The following COX17 variants were observed in gnomAD, a reference collection of about 807,000 sequenced individuals.
COX17 encodes the protein cytochrome c oxidase copper chaperone.
Under a neutral mutation model 6.3 loss-of-function variants are expected in COX17, and 1 was observed. The ratio of observed to expected loss-of-function variants is 0.16; its 90% CI spans 0.06 to 0.75. COX17 has a LOEUF of 0.75. COX17 is among the 30% of genes least tolerant of loss of function. The pLI, the probability that COX17 is intolerant of heterozygous loss-of-function variation, is 0.77. For synonymous variants in COX17, 26 were observed against 30.5 expected (o/e 0.85, Z 0.49); for missense variants, 73 against 81.2 (o/e 0.90, Z 0.39).
At chr3:119,675,300 G>T in intron 1 of COX17, 67 bp from the exon 2 acceptor site, 1 of 1,119,180 alleles carries the variant, frequency 8.9e-7, no homozygotes, top group Admixed American at 1.7e-5. Context: ...GCATGATAGT[G>T]ATGGGGAGTG....
intron 2 of COX17, among the ~76,000 whole-genome samples, chr3:119,670,259 C>G (rs1024527443): frequency 1.3e-5 from 2 of 152,114 alleles, no homozygotes; most frequent in African/African-American, 4.8e-5. Flanking sequence ...CACACCTCTC[C>G]CAGTGCCTAT....
downstream of COX17, among the ~76,000 whole-genome samples, chr3:119,667,913 G>A (rs2629409): frequency 0.36 from 55,410 of 151,874 alleles, 10,698 homozygotes; most frequent in East Asian, 0.65. Context: ...TTCCTAGAAC[G>A]GCATCTGACA....
At chr3:119,668,201 T>C (rs2053011422), downstream of COX17, among the ~76,000 whole-genome samples, 1 of 152,176 alleles carries the variant, frequency 6.6e-6, no homozygotes, top group Non-Finnish European at 1.5e-5. Flanking sequence ...TAGACTAGTA[T>C]ATATCAGAAA....
At chr3:119,665,439 A>G (rs2052985369), downstream of COX17, 1 of 152,270 alleles carries the variant, frequency 6.6e-6, no homozygotes, top group East Asian at 1.9e-4. Context: ...CAGCGGCACA[A>G]TCACGGCTCA....
Position 119,677,284 on chromosome 3 carries a change from AG to A in COX17, c.26del (p.Pro9LeufsTer12). The A allele has an allele frequency of 6.2e-7, 1 of 1,611,882 alleles. No homozygotes were observed. The highest frequency in any genetic ancestry group is 8.5e-7 in the Non-Finnish European group (1 of 1,179,900). On this transcript the variant is annotated frameshift_variant, in exon 1 of 3. Coordinates refer to ENST00000261070, the MANE Select transcript of COX17 (RefSeq NM_005694.2). LOFTEE classifies it high-confidence loss of function. MPGLVDSN[P>X]APPESQEKKP... ...TCTTCTCCTGAGACTCAGGCGGGGCAGGGTTTGAGTCAACCAGACCCGGCAT... is the reference window on the plus strand; with the variant it reads ...TCTTCTCCTGAGACTCAGGCGGGGCAGGTTTGAGTCAACCAGACCCGGCAT...
At chr3:119,670,522 T>TA (rs1371593821) in intron 2 of COX17, among the ~76,000 whole-genome samples, 4 of 152,214 alleles carry the variant, frequency 2.6e-5, no homozygotes, top group Non-Finnish European at 5.9e-5. Context: ...ATAGCATTGT[T>TA]ACGACTTTTG....
At chr3:119,664,587 C>T (rs557140893), downstream of COX17, among the ~76,000 whole-genome samples, 33 of 152,252 alleles carry the variant, frequency 2.2e-4, no homozygotes, top group South Asian at 1.2e-3. Context: ...GCGAGGCAGG[C>T]GGGGGCCATC....
chr3:119,675,029 TCAAA>T, intron 2 of COX17, 112 bp downstream of exon 2: 2 of 705,922 alleles, frequency 2.8e-6, no homozygotes, highest in Admixed American at 5.2e-5. Flanking sequence ...CATGGTTTTT[TCAAA>T]TTGATACTTA....
chr3:119,673,753 A>C (rs559307569), intron 2 of COX17, among the ~76,000 whole-genome samples: 1 of 152,254 alleles, frequency 6.6e-6, no homozygotes, highest in Non-Finnish European at 1.5e-5. Context: ...TCCAAACAAA[A>C]GAGTATCATT....
At chr3:119,675,550 T>C (rs1162509045) in intron 1 of COX17, 1 of 210,394 alleles carries the variant, frequency 4.8e-6, no homozygotes, top group Non-Finnish European at 9.5e-6. Context: ...ATATTTATGC[T>C]AAATGAAGGG....
At position 119,675,417 on chromosome 3, in the gene COX17, A is replaced by G. The variant is rs991770108; in HGVS notation, c.108-184T>C. The G allele has an allele frequency of 4.2e-5, 23 of 542,332 alleles. No individual in the cohort carries two copies. The African/African-American group carries it at 4.3e-4, about 10-fold the overall frequency. 33.6% of individuals were successfully genotyped at this position (542,332 alleles called of 1,614,324 possible). On this transcript the variant is annotated intron_variant, in intron 1 of 2. Transcript: ENST00000261070. Reference sequence around the variant, plus strand: ...TTATGATATGCCCATGCCTATGAAGACATTCCACAGATAAGTGATTTTGGG... The same window carrying G: ...TTATGATATGCCCATGCCTATGAAGGCATTCCACAGATAAGTGATTTTGGG...
At chr3:119,674,479 T>C (rs1046004772) in intron 2 of COX17, 7 of 152,234 alleles carry the variant, frequency 4.6e-5, no homozygotes, top group Admixed American at 2.0e-4. Context: ...AATACTTCCG[T>C]GGGATACCCA....
At chr3:119,669,290 G>C (rs937453739), downstream of COX17, 1 of 150,824 alleles carries the variant, frequency 6.6e-6, no homozygotes, top group East Asian at 1.9e-4. Flanking sequence ...AGATGATATG[G>C]CTACCACACT....
chr3:119,666,922 G>A (rs950397479), downstream of COX17: 6 of 152,138 alleles, frequency 3.9e-5, no homozygotes, highest in Non-Finnish European at 7.3e-5. Context: ...AACTTACCTC[G>A]CAGGTTACCA....
At chr3:119,676,459 T>C (rs1398866452) in intron 1 of COX17, among the ~76,000 whole-genome samples, 4 of 152,242 alleles carry the variant, frequency 2.6e-5, no homozygotes, top group Admixed American at 6.5e-5. Flanking sequence ...CGTCCTCTAA[T>C]GAGATTTGCT....
rs568481033 is a variant in COX17, at chr3:119,675,540, ATATT to A, written c.108-311_108-308del. 8.2e-4 allele frequency: 185 copies of A among 225,744 alleles called. 5 individuals carry two copies. The South Asian group carries it at 0.014, about 17-fold the overall frequency. 14.0% of individuals were successfully genotyped at this position (225,744 alleles called of 1,614,324 possible). A position where few individuals can be genotyped will look rare whatever the true frequency, so the allele number is the denominator to read the frequency against. The stretch of plus-strand genomic sequence containing the variant: ...TCTATAAAGAAATAAACTGAGTAAA[ATATT>A]TATGCTAAATGAAGGGCACAGAGAA... On this transcript the variant is annotated intron_variant, in intron 1 of 2. Transcript: ENST00000261070.
At chr3:119,667,728 CAGA>C (rs2053006779), downstream of COX17, among the ~76,000 whole-genome samples, 1 of 67,536 alleles carries the variant, frequency 1.5e-5, no homozygotes, top group Non-Finnish European at 3.6e-5. Flanking sequence ...CACACACACA[CAGA>C]GAGAGAGAGA....
At chr3:119,666,491 T>C (rs186615897), downstream of COX17, among the ~76,000 whole-genome samples, 524 of 152,332 alleles carry the variant, frequency 3.4e-3, 1 homozygote, top group Non-Finnish European at 5.8e-3. Context: ...AGCACCATAA[T>C]TGACATAGAT....
chr3:119,677,189 C>T lies in COX17; in HGVS notation c.107+15G>A, dbSNP rs1559736335. ...CGGGGCTCGTCGGCCGCGCCCTCTC[C>T]GGCTGCGCACTGACCACGCATCGCG... is the stretch of plus-strand genomic sequence containing the variant. On this transcript the variant is annotated intron_variant, in intron 1 of 2. Coordinates refer to ENST00000261070, the MANE Select transcript of COX17 (RefSeq NM_005694.2). 1 of 1,600,312 alleles carries T rather than the reference C, an allele frequency of 6.2e-7. No individual in the cohort carries two copies. Among genetic ancestry groups the T allele is most frequent in the East Asian group, 2.3e-5 (1 of 44,338 alleles).
Sources: gnomAD v4.1 joint callset for allele counts (sites outside exome capture counted in the v4.1 genomes callset) on GRCh38, gnomAD v4.1.1 for gene constraint, MANE v1.5 for transcripts, NCBI Gene and HGNC (gene_info 2026-07-23, HGNC 2026-07-21) for gene names.